Variants in NYX observed in about 807,000 individuals in gnomAD.
NYX encodes the protein nyctalopin.
For missense variants in NYX, 481 were observed against 485.4 expected, an observed-to-expected ratio of 0.99 and a Z score of 0.09; for synonymous variants, 258 against 245.7, an observed-to-expected ratio of 1.05 and a Z score of -0.47.
chrX:41,473,553 G>A lies in NYX; in HGVS notation c.85G>A (p.Ala29Thr), dbSNP rs1602180090. 6.9e-6 allele frequency: 7 copies of A among 1,011,125 alleles called. No individual in the cohort carries two copies. The highest frequency in any genetic ancestry group is 7.5e-6 in the Non-Finnish European group (6 of 797,549). 83.3% of individuals were successfully genotyped at this position (1,011,125 alleles called of 1,213,427 possible). A position where few individuals can be genotyped will look rare whatever the true frequency, so the allele number is the denominator to read the frequency against. ...VGACARACPA[A>T]CACSTVERGC... ...GGCCTGCGCCCGCGCTTGTCCCGCC[G>A]CCTGCGCCTGCAGCACCGTGGAGCG... Residue 29 changes from alanine to threonine, a missense_variant, in exon 3 of 3, where the codon GCC (alanine) becomes ACC (threonine). Transcript: ENST00000378220.
At chrX:41,457,685 T>C (rs2064304045) in intron 2 of NYX, among the ~76,000 whole-genome samples, 1 of 111,856 alleles carries the variant, frequency 8.9e-6, no homozygotes, top group Non-Finnish European at 1.9e-5. Context: ...CTATTCCATT[T>C]TCACGGAGAA....
chrX:41,447,716 C>A, intron 1 of NYX, 133 bp from the exon 2 acceptor site: 3 of 511,696 alleles, frequency 5.9e-6, no homozygotes, highest in Non-Finnish European at 1.0e-5. Flanking sequence ...CTTAGCCCAA[C>A]ACCAGGGTCA....
chrX:41,472,290 T>C, intron 2 of NYX: 2 of 1,130,231 alleles, frequency 1.8e-6, no homozygotes, highest in East Asian at 3.0e-5. Context: ...ATAATGTCAC[T>C]ACATCGGAGC....
At chrX:41,452,373 A>G (rs994128978) in intron 2 of NYX, among the ~76,000 whole-genome samples, 3 of 111,536 alleles carry the variant, frequency 2.7e-5, no homozygotes, top group Non-Finnish European at 5.6e-5. Flanking sequence ...TACCTTAATC[A>G]ACTTGATTTA....
rs775725463 is a variant in NYX, at chrX:41,452,585, T to C, written c.22+4659T>C. Among the ~76,000 whole-genome samples, 5 of 111,760 alleles carry C rather than the reference T, an allele frequency of 4.5e-5. No homozygotes were observed. The South Asian group carries it at 1.5e-3, about 33-fold the overall frequency. Reference sequence around the variant, plus strand: ...CAGATTGACTGGTTAGTTTATCCATTCCCCTATTGTCGGGTGTTTGTTTCC... The same window carrying C: ...CAGATTGACTGGTTAGTTTATCCATCCCCCTATTGTCGGGTGTTTGTTTCC... On this transcript the variant is annotated intron_variant, in intron 2 of 2. Transcript: ENST00000378220.
Position 41,474,527 on chromosome X carries a change from C to T in NYX, c.1059C>T (p.Thr353=), listed in dbSNP as rs766199959. 3.3e-6 allele frequency: 4 copies of T among 1,203,256 alleles called. No homozygotes were observed. The highest frequency in any genetic ancestry group is 1.8e-5 in the South Asian group (1 of 56,065). Residue 353 remains threonine, a synonymous_variant, in exon 3 of 3, where the codon ACC becomes ACT. Transcript: ENST00000378220. ...RDWMEGSGRV[T]DVPCASPGSV... ...GGATGGAGGGCTCCGGACGTGTCAC[C>T]GACGTGCCGTGCGCCTCCCCGGGCT...
chrX:41,453,776 A>G (rs903895413), intron 2 of NYX, among the ~76,000 whole-genome samples: 1 of 112,451 alleles, frequency 8.9e-6, no homozygotes, highest in African/African-American at 3.2e-5. Context: ...TTTAAGGCCA[A>G]ATAATATTCC....
In NYX at chrX:41,447,942, G is replaced by T. The variant is rs3810732; in HGVS notation, c.22+16G>T. 5.0e-6 allele frequency: 6 copies of T among 1,207,525 alleles called. No homozygotes were observed. In the Admixed American group the frequency reaches 1.3e-4, roughly 26 times the overall value. On this transcript the variant is annotated intron_variant, in intron 2 of 2. Coordinates refer to ENST00000378220, the MANE Select transcript of NYX (RefSeq NM_001378477.3). ...CTTCTGCATGGTGAGTTCTCCTGCC[G>T]GTGGGTGCAAGGGTTGGGAAGAGGG... is the stretch of plus-strand genomic sequence containing the variant.
intron 2 of NYX, among the ~76,000 whole-genome samples, chrX:41,461,223 T>G (rs3021325): frequency 0.29 from 31,254 of 106,865 alleles, 3,698 homozygotes; most frequent in South Asian, 0.59. Flanking sequence ...TCTCATGCCT[T>G]TGCATCCTTA....
At chrX:41,451,580 C>T (rs1321218075) in intron 2 of NYX, among the ~76,000 whole-genome samples, 4 of 110,417 alleles carry the variant, frequency 3.6e-5, no homozygotes, top group Admixed American at 9.6e-5. Context: ...GTGGTGTGAT[C>T]TTGGCTCACT....
At chrX:41,459,015 G>A (rs1479862998) in intron 2 of NYX, among the ~76,000 whole-genome samples, 1 of 109,565 alleles carries the variant, frequency 9.1e-6, no homozygotes, top group Non-Finnish European at 1.9e-5. Flanking sequence ...CCCGGCAGGT[G>A]GAGGTTGCAG....
chrX:41,454,488 A>AT (rs1263203947), intron 2 of NYX, among the ~76,000 whole-genome samples: 2 of 109,891 alleles, frequency 1.8e-5, no homozygotes, highest in East Asian at 2.8e-4. Context: ...AATTTTTTGT[A>AT]TTTTCAGTAG....
intron 2 of NYX, among the ~76,000 whole-genome samples, chrX:41,463,893 A>T (rs1389743624): frequency 9.0e-6 from 1 of 111,599 alleles, no homozygotes; most frequent in African/African-American, 3.3e-5. Flanking sequence ...ATTTAGTAAC[A>T]TACTTACCAT....
In NYX at chrX:41,473,539, G is replaced by A; in HGVS notation, c.71G>A (p.Arg24His). Reference sequence around the variant, plus strand: ...GCCTGGGCCGTGGGGGCCTGCGCCCGCGCTTGTCCCGCCGCCTGCGCCTGC... The same window carrying A: ...GCCTGGGCCGTGGGGGCCTGCGCCCACGCTTGTCCCGCCGCCTGCGCCTGC... Reference protein sequence around the residue: ...PSAWAVGACARACPAACACST... With the variant: ...PSAWAVGACAHACPAACACST... Residue 24 changes from arginine to histidine, a missense_variant, in exon 3 of 3, where the codon CGC becomes CAC. Coordinates refer to ENST00000378220, the MANE Select transcript of NYX (RefSeq NM_001378477.3). 2.0e-6 allele frequency: 2 copies of A among 1,004,648 alleles called. No individual in the cohort carries two copies. Among genetic ancestry groups the A allele is most frequent in the Non-Finnish European group, 2.5e-6 (2 of 793,415 alleles). 82.8% of individuals were successfully genotyped at this position (1,004,648 alleles called of 1,213,427 possible).
intron 2 of NYX, among the ~76,000 whole-genome samples, chrX:41,450,357 AC>A (rs1255538552): frequency 1.8e-5 from 2 of 110,571 alleles, no homozygotes; most frequent in Non-Finnish European, 3.8e-5. Context: ...GCTCACTGCA[AC>A]CTCTGCCTCC....
At chrX:41,472,127 A>T (rs2064363268) in intron 2 of NYX, 6 of 363,742 alleles carry the variant, frequency 1.6e-5, no homozygotes, top group Non-Finnish European at 2.4e-5. Context: ...AGGAGTCCAG[A>T]CTTCCTTAAA....
chrX:41,447,763 G>A, intron 1 of NYX, 86 bp from the exon 2 acceptor site: 1 of 645,126 alleles, frequency 1.6e-6, no homozygotes, highest in East Asian at 3.5e-5. Context: ...AAGAAAGGCA[G>A]GGCATTCAGG....
chrX:41,450,790 C>T (rs1346193272), intron 2 of NYX, among the ~76,000 whole-genome samples: 97 of 95,166 alleles, frequency 1.0e-3, no homozygotes, highest in Non-Finnish European at 1.7e-3. Context: ...GGATTGCTGG[C>T]GTGAGCCACC....
Position 41,474,653 on chromosome X carries a change from C to A in NYX, c.1185C>A (p.Gly395=). The change falls in exon 3 of 3, where the codon GGC becomes GGA. Residue 395 remains glycine, a synonymous_variant. Coordinates refer to ENST00000378220, the MANE Select transcript of NYX (RefSeq NM_001378477.3). ...TGAACCTCACCACGTCCAGTCCAGG[C>A]CCGTCCCCAGAACCAGCGGCCACCA... ...EELNLTTSSP[G]PSPEPAATTV... 1 of 1,199,383 alleles carries A rather than the reference C, an allele frequency of 8.3e-7. No homozygotes were observed. The highest frequency in any genetic ancestry group is 1.8e-5 in the South Asian group (1 of 55,012).
Sources: allele counts gnomAD v4.1 joint callset (sites outside exome capture counted in the v4.1 genomes callset), GRCh38; gene constraint gnomAD v4.1.1; transcripts MANE v1.5; gene names NCBI Gene and HGNC (gene_info 2026-07-23, HGNC 2026-07-21).